The following SLC4A10 variants were observed in gnomAD, a reference collection of about 807,000 sequenced individuals.
The protein encoded by SLC4A10 is sodium-driven chloride bicarbonate exchanger.
SLC4A10 carries 42 observed loss-of-function variants against 137.7 expected under a neutral mutation model. The ratio of observed to expected loss-of-function variants is 0.30; its 90% CI spans 0.24 to 0.39. The LOEUF (loss-of-function observed/expected upper bound fraction) is 0.39, where lower values mean the gene tolerates loss of function less well. SLC4A10 is among the 10% of genes least tolerant of loss of function. The pLI, the probability that SLC4A10 is intolerant of heterozygous loss-of-function variation, is 1.00. For synonymous variants in SLC4A10, 474 were observed against 464.1 expected (o/e 1.02, Z -0.27); for missense variants, 925 against 1,355.0 (o/e 0.68, Z 4.98).
At chr2:161,945,991 T>A (rs564639404) in intron 16 of SLC4A10, among the ~76,000 whole-genome samples, 3 of 152,142 alleles carry the variant, frequency 2.0e-5, no homozygotes, top group African/African-American at 4.8e-5. Context: ...CCCATTATAT[T>A]GCTTAATAAT....
rs940821058 is a variant in SLC4A10, at chr2:161,682,122, C to A, written c.48+57556C>A. Among the ~76,000 whole-genome samples the A allele has an allele frequency of 8.5e-5, 13 of 152,146 alleles. No individual in the cohort carries two copies. In the East Asian group the frequency reaches 2.5e-3, roughly 29 times the overall value. On this transcript the variant is annotated intron_variant, in intron 1 of 26. Transcript: ENST00000446997. ...GTCCCAAAATGTATTTTATAAAATA[C>A]CAGTCCCACCAAATACTTTTTGGGA...
chr2:161,626,262 C>T (rs563628514), intron 1 of SLC4A10, among the ~76,000 whole-genome samples: 1 of 152,144 alleles, frequency 6.6e-6, no homozygotes, highest in East Asian at 1.9e-4. Flanking sequence ...TGGATTGTCA[C>T]TTGTGGGGAA....
intron 24 of SLC4A10, 28 bp downstream of exon 24, chr2:161,974,344 A>G: frequency 6.5e-7 from 1 of 1,537,246 alleles, no homozygotes; most frequent in Non-Finnish European, 8.9e-7. Flanking sequence ...AAACACATCA[A>G]TTAAAGTAAT....
chr2:161,783,954 G>A (rs1266144158), intron 2 of SLC4A10, among the ~76,000 whole-genome samples: 1 of 151,786 alleles, frequency 6.6e-6, no homozygotes, highest in East Asian at 1.9e-4. Flanking sequence ...GACATAGGGT[G>A]GTTGAATGGA....
At chr2:161,948,509 T>A (rs62189668) in intron 17 of SLC4A10, among the ~76,000 whole-genome samples, 48,753 of 151,996 alleles carry the variant, frequency 0.32, 9,034 homozygotes, top group Admixed American at 0.42. Flanking sequence ...TGTGTATGCT[T>A]GTGTGTATGT....
intron 2 of SLC4A10, among the ~76,000 whole-genome samples, chr2:161,787,572 A>G (rs1302706062): frequency 6.6e-6 from 1 of 151,606 alleles, no homozygotes; most frequent in Non-Finnish European, 1.5e-5. Context: ...GGTTTGGTCA[A>G]TTTACCCCCT....
intron 12 of SLC4A10, among the ~76,000 whole-genome samples, chr2:161,902,740 T>C (rs1274438776): frequency 6.6e-6 from 1 of 152,158 alleles, no homozygotes; most frequent in Non-Finnish European, 1.5e-5. Context: ...ATCAGGGAAA[T>C]TACTTGGTAA....
chr2:161,900,984 G>A lies in SLC4A10; in HGVS notation c.1415G>A (p.Ser472Asn), dbSNP rs1682976685. 6.4e-7 allele frequency: 1 copy of A among 1,567,718 alleles called. No individual in the cohort carries two copies. Among genetic ancestry groups the A allele is most frequent in the Admixed American group, 1.9e-5 (1 of 53,520 alleles). ...GAAGCAGAGCCCCACGGAGGACATAGTGGACCTGAACTCCAGCGAACTGGA... is the reference window on the plus strand; with the variant it reads ...GAAGCAGAGCCCCACGGAGGACATAATGGACCTGAACTCCAGCGAACTGGA... ...HGEAEPHGGH[S>N]GPELQRTGRI... Residue 472 changes from serine (S) to asparagine (N), a missense_variant, in exon 12 of 27, where the codon AGT becomes AAT. Physicochemically the swap from Ser to Asn is conservative, Grantham distance 46. This residue lies in a region of SLC4A10 where 61 missense variants were observed against 59.0 expected (regional missense o/e 1.03). Transcript: ENST00000446997.
At chr2:161,753,610 G>A (rs900556152) in intron 1 of SLC4A10, among the ~76,000 whole-genome samples, 11 of 152,016 alleles carry the variant, frequency 7.2e-5, no homozygotes, top group African/African-American at 2.7e-4. Context: ...ACCTAATATT[G>A]TCATAGCTAT....
At chr2:161,762,903 C>T (rs1055516517) in intron 1 of SLC4A10, among the ~76,000 whole-genome samples, 6 of 151,702 alleles carry the variant, frequency 4.0e-5, no homozygotes, top group African/African-American at 1.5e-4. Flanking sequence ...TATATGTGTC[C>T]ATATATTTTT....
intron 8 of SLC4A10, among the ~76,000 whole-genome samples, chr2:161,876,127 A>G (rs991118057): frequency 2.0e-5 from 3 of 152,146 alleles, no homozygotes; most frequent in Admixed American, 6.6e-5. Flanking sequence ...ACCAGCATAA[A>G]GGTGAGGTCT....
chr2:161,837,444 A>G (rs1437971392), intron 3 of SLC4A10, among the ~76,000 whole-genome samples: 1 of 152,196 alleles, frequency 6.6e-6, no homozygotes, highest in Non-Finnish European at 1.5e-5. Context: ...GAAATGAAAG[A>G]AGACCTAAAT....
At chr2:161,748,578 G>T (rs187763666) in intron 1 of SLC4A10, among the ~76,000 whole-genome samples, 12 of 152,006 alleles carry the variant, frequency 7.9e-5, no homozygotes, top group Non-Finnish European at 1.5e-4. Context: ...TTTGTCAAAA[G>T]TCAGTTGAAT....
chr2:161,683,160 T>A (rs1055596141), intron 1 of SLC4A10, among the ~76,000 whole-genome samples: 1 of 152,108 alleles, frequency 6.6e-6, no homozygotes, highest in Non-Finnish European at 1.5e-5. Flanking sequence ...ACCACAGATA[T>A]CATGTGGCAA....
intron 3 of SLC4A10, among the ~76,000 whole-genome samples, chr2:161,814,655 T>C (rs992670613): frequency 2.6e-5 from 4 of 152,096 alleles, no homozygotes; most frequent in African/African-American, 9.7e-5. Flanking sequence ...CCTAAGTGAA[T>C]TAATGCAGGA....
At chr2:161,819,970 TC>T (rs2125685867) in intron 3 of SLC4A10, among the ~76,000 whole-genome samples, 1 of 152,308 alleles carries the variant, frequency 6.6e-6, no homozygotes, top group African/African-American at 2.4e-5. Flanking sequence ...TTTATTTTTT[TC>T]CTCAACCTCC....
chr2:161,885,704 A>G (rs987465136), intron 10 of SLC4A10, among the ~76,000 whole-genome samples: 5 of 152,210 alleles, frequency 3.3e-5, no homozygotes, highest in Non-Finnish European at 5.9e-5. Flanking sequence ...CTCAAAAATT[A>G]CTAAGCACCC....
At chr2:161,722,736 C>T (rs765231428) in intron 1 of SLC4A10, among the ~76,000 whole-genome samples, 22 of 152,180 alleles carry the variant, frequency 1.4e-4, no homozygotes, top group Non-Finnish European at 1.0e-4. Flanking sequence ...TCCCCTTTGT[C>T]TGGTCTGCCT....
At chr2:161,873,530 CAAAAAAAAAAAA>C (rs759717096) in intron 7 of SLC4A10, among the ~76,000 whole-genome samples, 452 of 17,346 alleles carry the variant, frequency 0.026, 26 homozygotes, top group East Asian at 0.19. Flanking sequence ...GACCACATCT[CAAAAAAAAAAAA>C]AAAAAAAAAA....
Sources: gnomAD v4.1 joint callset for allele counts (sites outside exome capture counted in the v4.1 genomes callset) on GRCh38, gnomAD v4.1.1 for gene constraint, gnomAD v4.1.1 regional missense constraint, MANE v1.5 for transcripts, NCBI Gene and HGNC (gene_info 2026-07-23, HGNC 2026-07-21) for gene names.